Variants in LBHD2 observed in about 807,000 individuals in gnomAD.
LBHD2 encodes LBH domain-containing protein 2.
intron 3 of LBHD2, among the ~76,000 whole-genome samples, chr14:103,089,094 C>T (rs1345057584): frequency 6.6e-6 from 1 of 152,162 alleles, no homozygotes; most frequent in Non-Finnish European, 1.5e-5. Flanking sequence ...GCTGTGGGGG[C>T]CTTGTGAATG....
intron 3 of LBHD2, 78 bp from the exon 4 acceptor site, chr14:103,089,619 G>T (rs905007253): frequency 7.5e-6 from 3 of 398,088 alleles, no homozygotes; most frequent in Non-Finnish European, 1.3e-5. Context: ...CCTGCCAAAC[G>T]CTCATTTCGG....
chr14:103,084,275 G>C lies in LBHD2; in HGVS notation c.-110G>C, dbSNP rs1889602583. ...CAGCACCCGCGCGGGCGGTGAGCGT[G>C]AGTGTGGCGCAGGGTCGCCCCTCCC... On this transcript the variant is annotated 5_prime_UTR_variant, in exon 1 of 4. Transcript: ENST00000634353. 6.6e-6 allele frequency: 1 copy of C among 152,238 alleles called. No homozygotes were observed. Among genetic ancestry groups the C allele is most frequent in the Non-Finnish European group, 1.5e-5 (1 of 68,046 alleles). The allele number at this position is 152,238 out of a possible 1,614,324, so 9.4% of individuals were successfully genotyped here.
Position 103,086,052 on chromosome 14 carries a change from G to A in LBHD2, c.40G>A (p.Ala14Thr), listed in dbSNP as rs952364326. 4.5e-5 allele frequency: 18 copies of A among 398,710 alleles called. No homozygotes were observed. The highest frequency in any genetic ancestry group is 6.3e-4 in the Middle Eastern group (1 of 1,588). 24.7% of individuals were successfully genotyped at this position (398,710 alleles called of 1,614,324 possible). A position where few individuals can be genotyped will look rare whatever the true frequency, so the allele number is the denominator to read the frequency against. Residue 14 changes from alanine (A) to threonine (T), a missense_variant, in exon 2 of 4, where the codon GCT becomes ACT. Physicochemically the swap from Ala to Thr is moderately conservative, Grantham distance 58 (BLOSUM62 0). Coordinates refer to ENST00000634353, the MANE Select transcript of LBHD2 (RefSeq NM_001330236.2). ...PRPAPPQPGA[A>T]EGAGGPEGKA... ...GCCTGCTCCACCACAGCCAGGCGCT[G>A]CTGAGGGGGCTGGAGGCCCAGAAGG...
intron 2 of LBHD2, among the ~76,000 whole-genome samples, chr14:103,087,549 G>A (rs1889651157): frequency 6.6e-6 from 1 of 152,248 alleles, no homozygotes; most frequent in African/African-American, 2.4e-5. Flanking sequence ...GCACCGGGAA[G>A]GCCTGGGGAC....
chr14:103,087,108 A>C (rs1045601837), intron 2 of LBHD2, among the ~76,000 whole-genome samples: 1 of 152,140 alleles, frequency 6.6e-6, no homozygotes, highest in Non-Finnish European at 1.5e-5. Context: ...TGGGGTAGGG[A>C]TGGGGTCCCT....
At position 103,085,999 on chromosome 14, in the gene LBHD2, GTGGCGGCAGCAGCATGAGCACCC is replaced by G. The variant is rs1458949588; in HGVS notation, c.-13_10del. 5.0e-6 allele frequency: 2 copies of G among 398,602 alleles called. No homozygotes were observed. Among genetic ancestry groups the G allele is most frequent in the Admixed American group, 8.8e-5 (2 of 22,714 alleles). The allele number at this position is 398,602 out of a possible 1,614,324, so 24.7% of individuals were successfully genotyped here. On this transcript the variant is annotated start_lost and 5_prime_UTR_variant, in exon 2 of 4. Coordinates refer to ENST00000634353, the MANE Select transcript of LBHD2 (RefSeq NM_001330236.2). ...AGTCCTCGTGCAGCTTAGTGGCGCAGTGGCGGCAGCAGCATGAGCACCCCCCGGCCTGCTCCACCACAGCCAGG... is the reference window on the plus strand; with the variant it reads ...AGTCCTCGTGCAGCTTAGTGGCGCAGCCCGGCCTGCTCCACCACAGCCAGG...
intron 3 of LBHD2, among the ~76,000 whole-genome samples, chr14:103,089,181 C>T (rs917515906): frequency 6.6e-6 from 1 of 152,132 alleles, no homozygotes; most frequent in Non-Finnish European, 1.5e-5. Flanking sequence ...CCCCTGGAGA[C>T]CCCTGGGAGT....
chr14:103,086,590 C>T (rs757362866), intron 2 of LBHD2, among the ~76,000 whole-genome samples: 2 of 152,166 alleles, frequency 1.3e-5, no homozygotes, highest in Non-Finnish European at 2.9e-5. Context: ...TCCTTCCTGA[C>T]CTGAGGACCC....
intron 2 of LBHD2, among the ~76,000 whole-genome samples, chr14:103,086,433 A>T (rs1403664750): frequency 6.6e-6 from 1 of 151,814 alleles, no homozygotes; most frequent in African/African-American, 2.4e-5. Flanking sequence ...CTGGTTTCCA[A>T]CTCCTGACCT....
In LBHD2 at chr14:103,089,962, C is replaced by T; in HGVS notation, c.*165C>T. ...CAGCCCTGCCCTCTTCTGCCCATGG[C>T]CCAGGTCTGGATCACACCCCGCTTT... On this transcript the variant is annotated 3_prime_UTR_variant, in exon 4 of 4. Coordinates refer to ENST00000634353, the MANE Select transcript of LBHD2 (RefSeq NM_001330236.2). The T allele has an allele frequency of 2.5e-6, 1 of 397,068 alleles. No individual in the cohort carries two copies. Among genetic ancestry groups the T allele is most frequent in the Non-Finnish European group, 4.4e-6 (1 of 225,568 alleles). 24.6% of individuals were successfully genotyped at this position (397,068 alleles called of 1,614,324 possible).
chr14:103,088,427 C>G (rs983197534), intron 3 of LBHD2, among the ~76,000 whole-genome samples, 186 bp downstream of exon 3: 2 of 152,260 alleles, frequency 1.3e-5, no homozygotes, highest in East Asian at 1.9e-4. Context: ...CTTAACCCCC[C>G]TCCCTAGCAC....
chr14:103,086,016 A>G lies in LBHD2; in HGVS notation c.4A>G (p.Ser2Gly). 2.5e-6 allele frequency: 1 copy of G among 398,648 alleles called. No individual in the cohort carries two copies. Among genetic ancestry groups the G allele is most frequent in the East Asian group, 3.6e-5 (1 of 28,072 alleles). 24.7% of individuals were successfully genotyped at this position (398,648 alleles called of 1,614,324 possible). ...GTGGCGCAGTGGCGGCAGCAGCATG[A>G]GCACCCCCCGGCCTGCTCCACCACA... Reference protein sequence around the residue: MSTPRPAPPQPG... With the variant: MGTPRPAPPQPG... Residue 2 changes from serine to glycine, a missense_variant, in exon 2 of 4, where the codon AGC (serine) becomes GGC (glycine). By Grantham distance (56) the Ser-to-Gly change is moderately conservative. Coordinates refer to ENST00000634353, the MANE Select transcript of LBHD2 (RefSeq NM_001330236.2).
At chr14:103,087,150 C>G (rs1486382491) in intron 2 of LBHD2, among the ~76,000 whole-genome samples, 1 of 152,232 alleles carries the variant, frequency 6.6e-6, no homozygotes, top group Non-Finnish European at 1.5e-5. Context: ...TCCTTCATTC[C>G]ACAGACATCC....
At chr14:103,087,824 A>G (rs545090161) in intron 2 of LBHD2, among the ~76,000 whole-genome samples, 3 of 152,100 alleles carry the variant, frequency 2.0e-5, no homozygotes, top group Admixed American at 1.3e-4. Flanking sequence ...TCTGGAGCTG[A>G]GCACAGCTGC....
chr14:103,085,139 C>T (rs1889616721), intron 1 of LBHD2, among the ~76,000 whole-genome samples: 1 of 152,132 alleles, frequency 6.6e-6, no homozygotes, highest in Non-Finnish European at 1.5e-5. Context: ...GCCACAGGAC[C>T]ACCCTCACCC....
At chr14:103,089,598 C>A in intron 3 of LBHD2, 99 bp from the exon 4 acceptor site, 1 of 398,012 alleles carries the variant, frequency 2.5e-6, no homozygotes, top group African/African-American at 2.1e-5. Flanking sequence ...TGGCCTGCCC[C>A]AGCCCAGTTG....
chr14:103,088,025 TA>T lies in LBHD2; in HGVS notation c.70-59del, dbSNP rs112089108. 3.3e-5 allele frequency: 13 copies of T among 391,120 alleles called. No homozygotes were observed. In the South Asian group the frequency reaches 9.5e-4, roughly 29 times the overall value. 24.2% of individuals were successfully genotyped at this position (391,120 alleles called of 1,614,324 possible). ...AGTGGGGCAGTGTGCAGGACAGGGG[TA>T]GGGGGGAATAGGAGTGCCAGGCCTG... is the stretch of plus-strand genomic sequence containing the variant. On this transcript the variant is annotated intron_variant, in intron 2 of 3. Transcript: ENST00000634353.
Position 103,089,829 on chromosome 14 carries a change from C to G in LBHD2, c.*32C>G, listed in dbSNP as rs1566940941. Reference sequence around the variant, plus strand: ...GACGTGGCTGGGCTCTGCTGTCTGACTGCTGAGGGCCTCTGCCCCAGGGTG... The same window carrying G: ...GACGTGGCTGGGCTCTGCTGTCTGAGTGCTGAGGGCCTCTGCCCCAGGGTG... On this transcript the variant is annotated 3_prime_UTR_variant, in exon 4 of 4. Coordinates refer to ENST00000634353, the MANE Select transcript of LBHD2 (RefSeq NM_001330236.2). The G allele has an allele frequency of 1.3e-5, 5 of 398,454 alleles. No individual in the cohort carries two copies. Among genetic ancestry groups the G allele is most frequent in the African/African-American group, 2.1e-5 (1 of 48,636 alleles). 24.7% of individuals were successfully genotyped at this position (398,454 alleles called of 1,614,324 possible).
At chr14:103,087,879 C>A (rs562562239) in intron 2 of LBHD2, among the ~76,000 whole-genome samples, 148 of 152,282 alleles carry the variant, frequency 9.7e-4, no homozygotes, top group Non-Finnish European at 1.4e-3. Flanking sequence ...GGGCTGAGCA[C>A]CCTACCCCCA....
Sources: allele counts gnomAD v4.1 joint callset (sites outside exome capture counted in the v4.1 genomes callset), GRCh38; gene constraint gnomAD v4.1.1; transcripts MANE v1.5; gene names NCBI Gene and HGNC (gene_info 2026-07-23, HGNC 2026-07-21).